Variants in CPEB4 observed in about 807,000 individuals in gnomAD.
The protein encoded by CPEB4 is cytoplasmic polyadenylation element-binding protein 4.
Under a neutral mutation model 72.5 loss-of-function variants are expected in CPEB4, and 12 were observed. That is an observed-to-expected ratio of 0.17 (90% CI 0.11 to 0.27). The LOEUF is 0.27. Ranked by LOEUF, CPEB4 falls within the 10% of genes least tolerant of loss-of-function variation. The pLI, the probability that CPEB4 is intolerant of heterozygous loss-of-function variation, is 1.00. For synonymous variants in CPEB4, 302 were observed against 326.3 expected, an observed-to-expected ratio of 0.93 and a Z score of 0.80; for missense variants, 614 against 908.5, an observed-to-expected ratio of 0.68 and a Z score of 4.17.
chr5:173,890,619 TC>T lies in CPEB4; in HGVS notation c.888del (p.Ser297LeufsTer25). On this transcript the variant is annotated frameshift_variant, in exon 1 of 10. Transcript: ENST00000265085. LOFTEE classifies it high-confidence loss of function. ...SSYQSPSPTP[S>X]SSWSPGGGGY... is the part of the protein sequence containing the mutation. ...CTACCAGAGTCCGTCACCAACACCC[TC>T]CTCTTCCTGGAGCCCGGGCGGTGGT... 6.2e-7 allele frequency: 1 copy of T among 1,613,816 alleles called. No individual in the cohort carries two copies. Among genetic ancestry groups the T allele is most frequent in the Non-Finnish European group, 8.5e-7 (1 of 1,179,896 alleles).
rs560877840 is a variant in CPEB4 at position 173,920,660 on chromosome 5, G to A, written c.1207+10056G>A. Among the ~76,000 whole-genome samples the A allele has an allele frequency of 2.6e-5, 4 of 152,288 alleles. No individual in the cohort carries two copies. In the East Asian group the frequency reaches 5.8e-4, roughly 22 times the overall value. ...GACCTCAATTTCCTCACCTGTAAAC[G>A]GAGGGGTTGAACTTAATGATCTTTA... On this transcript the variant is annotated intron_variant, in intron 2 of 9. Transcript: ENST00000265085.
intron 5 of CPEB4, among the ~76,000 whole-genome samples, chr5:173,945,409 G>C (rs1757984567): frequency 6.6e-6 from 1 of 152,170 alleles, no homozygotes; most frequent in African/African-American, 2.4e-5. Context: ...TGATTATTGT[G>C]GGCATACATG....
At chr5:173,930,369 G>C (rs999082255) in intron 2 of CPEB4, among the ~76,000 whole-genome samples, 3 of 151,978 alleles carry the variant, frequency 2.0e-5, no homozygotes, top group African/African-American at 7.2e-5. Context: ...CATCCCCCAA[G>C]TTTTTAACAG....
chr5:173,929,073 A>G (rs1054847018), intron 2 of CPEB4, among the ~76,000 whole-genome samples: 3 of 152,190 alleles, frequency 2.0e-5, no homozygotes, highest in African/African-American at 7.2e-5. Context: ...AACAAGTATC[A>G]CTTTCAGAGT....
At chr5:173,940,864 A>C (rs1757812872) in intron 3 of CPEB4, among the ~76,000 whole-genome samples, 1 of 152,172 alleles carries the variant, frequency 6.6e-6, no homozygotes, top group Admixed American at 6.5e-5. Flanking sequence ...AAATATCTAC[A>C]TAGCTTTCAG....
chr5:173,908,279 T>C (rs188451906), intron 1 of CPEB4, among the ~76,000 whole-genome samples: 3 of 152,268 alleles, frequency 2.0e-5, no homozygotes, highest in East Asian at 1.9e-4. Context: ...TCTCTATAGA[T>C]AGATCTTGTT....
chr5:173,910,005 A>G (rs980597970), intron 1 of CPEB4, among the ~76,000 whole-genome samples: 1 of 151,938 alleles, frequency 6.6e-6, no homozygotes, highest in East Asian at 1.9e-4. Context: ...CTCAAAAAAA[A>G]AAAAAGATTT....
At position 173,956,415 on chromosome 5, in the gene CPEB4, A is replaced by G. The variant is rs1758379318; in HGVS notation, c.*278A>G. 1.5e-5 allele frequency: 5 copies of G among 342,746 alleles called. No individual in the cohort carries two copies. Among genetic ancestry groups the G allele is most frequent in the Non-Finnish European group, 2.6e-5 (5 of 189,058 alleles). 21.2% of individuals were successfully genotyped at this position (342,746 alleles called of 1,614,324 possible). A position where few individuals can be genotyped will look rare whatever the true frequency, so the allele number is the denominator to read the frequency against. ...CAAGAGGATCCAAACTTCCTGCAAC[A>G]TTTTCTTAGAGGAGAGAGAGAAATA... On this transcript the variant is annotated 3_prime_UTR_variant, in exon 10 of 10. Coordinates refer to ENST00000265085, the MANE Select transcript of CPEB4 (RefSeq NM_030627.4).
At chr5:173,930,990 CAAAAA>C (rs11322497) in intron 2 of CPEB4, among the ~76,000 whole-genome samples, 4 of 80,080 alleles carry the variant, frequency 5.0e-5, no homozygotes, top group East Asian at 7.1e-4. Context: ...GACTCTGTCT[CAAAAA>C]AAAAAAAAAA....
intron 2 of CPEB4, among the ~76,000 whole-genome samples, chr5:173,913,928 A>G (rs1022517064): frequency 3.9e-5 from 6 of 152,242 alleles, no homozygotes; most frequent in African/African-American, 1.4e-4. Context: ...TGCCTAATTC[A>G]TAGAAGACAC....
In CPEB4 at chr5:173,958,472, CT is replaced by C. The variant is rs2113316999; in HGVS notation, c.*2340del. On this transcript the variant is annotated 3_prime_UTR_variant, in exon 10 of 10. Coordinates refer to ENST00000265085, the MANE Select transcript of CPEB4 (RefSeq NM_030627.4). ...ATAAATTTTATTTTCTTATATTCTG[CT>C]TTTTATACATTTCAGTGCTCTGCAT... 6.6e-6 allele frequency: 1 copy of C among 152,086 alleles called. No homozygotes were observed. The highest frequency in any genetic ancestry group is 1.5e-5 in the Non-Finnish European group (1 of 67,886). 9.4% of individuals were successfully genotyped at this position (152,086 alleles called of 1,614,324 possible).
intron 1 of CPEB4, among the ~76,000 whole-genome samples, chr5:173,902,206 A>G (rs934961567): frequency 1.1e-4 from 17 of 152,188 alleles, no homozygotes; most frequent in Non-Finnish European, 1.8e-4. Context: ...ACTGGCGTAC[A>G]CTTTCCTTTC....
chr5:173,947,770 A>G (rs576065033), intron 5 of CPEB4, among the ~76,000 whole-genome samples: 1 of 152,284 alleles, frequency 6.6e-6, no homozygotes, highest in African/African-American at 2.4e-5. Context: ...AGAAATAATG[A>G]ATACTCACTA....
In CPEB4 at chr5:173,956,127, G is replaced by T; in HGVS notation, c.2180G>T (p.Arg727Leu). ...GACCGCCCTCGGCATATTTCATTCC[G>T]CTGGAACTAAAGGATAACTGCAGTG... The part of the protein sequence containing the change: ...GGDRPRHISF[R>L]WN Residue 727 changes from arginine to leucine, a missense_variant, in exon 10 of 10, where the codon CGC becomes CTC. Arg to Leu is a moderately radical substitution (Grantham distance 102). Transcript: ENST00000265085. The T allele has an allele frequency of 1.2e-6, 2 of 1,613,680 alleles. No homozygotes were observed. The highest frequency in any genetic ancestry group is 1.7e-6 in the Non-Finnish European group (2 of 1,179,726).
chr5:173,907,100 A>G (rs1435726605), intron 1 of CPEB4, among the ~76,000 whole-genome samples: 1 of 152,116 alleles, frequency 6.6e-6, no homozygotes, highest in Non-Finnish European at 1.5e-5. Context: ...AACCCCGTCT[A>G]TACTAAAAAT....
intron 3 of CPEB4, among the ~76,000 whole-genome samples, chr5:173,936,913 A>G (rs1437840424): frequency 6.6e-6 from 1 of 151,698 alleles, no homozygotes; most frequent in East Asian, 1.9e-4. Context: ...GTTATAGAGC[A>G]AAAAAAACGT....
rs1371551502 is a variant in CPEB4 at position 173,956,321 on chromosome 5, A to G, written c.*184A>G. On this transcript the variant is annotated 3_prime_UTR_variant, in exon 10 of 10. Transcript: ENST00000265085. Reference sequence around the variant, plus strand: ...TGTAGATTCTTGTGTCACTGCAAACAATATGAACTCCTTTTTCGTATTGCC... The same window carrying G: ...TGTAGATTCTTGTGTCACTGCAAACGATATGAACTCCTTTTTCGTATTGCC... 2 of 523,694 alleles carry G rather than the reference A, an allele frequency of 3.8e-6. No homozygotes were observed. The highest frequency in any genetic ancestry group is 6.8e-6 in the Non-Finnish European group (2 of 295,312). The allele number at this position is 523,694 out of a possible 1,614,324, so 32.4% of individuals were successfully genotyped here.
At position 173,889,451 on chromosome 5, in the gene CPEB4, A is replaced by G. The variant is rs1398385209; in HGVS notation, c.-283A>G. On this transcript the variant is annotated 5_prime_UTR_variant, in exon 1 of 10. Transcript: ENST00000265085. Reference sequence around the variant, plus strand: ...AAAGCGCCTATTTTACTAACCAAAGACTTGATTTTTACCCTCTTCATTTTT... The same window carrying G: ...AAAGCGCCTATTTTACTAACCAAAGGCTTGATTTTTACCCTCTTCATTTTT... The G allele has an allele frequency of 3.4e-6, 1 of 297,378 alleles. No individual in the cohort carries two copies. Among genetic ancestry groups the G allele is most frequent in the African/African-American group, 2.2e-5 (1 of 45,712 alleles). The allele number at this position is 297,378 out of a possible 1,614,324, so 18.4% of individuals were successfully genotyped here.
At chr5:173,930,136 C>A (rs527603651) in intron 2 of CPEB4, among the ~76,000 whole-genome samples, 32 of 151,816 alleles carry the variant, frequency 2.1e-4, no homozygotes, top group Non-Finnish European at 3.8e-4. Flanking sequence ...CTCACTGCAA[C>A]CCCTGCCTCC....
Sources: gnomAD v4.1 joint callset for allele counts (sites outside exome capture counted in the v4.1 genomes callset) on GRCh38, gnomAD v4.1.1 for gene constraint, MANE v1.5 for transcripts, NCBI Gene and HGNC (gene_info 2026-07-23, HGNC 2026-07-21) for gene names.